The following SLC38A11 variants were observed in gnomAD, a reference collection of about 807,000 sequenced individuals.
SLC38A11 encodes solute carrier family 38 member 11.
A neutral mutation model predicts 49.4 loss-of-function variants in SLC38A11; 51 were observed. That is an observed-to-expected ratio of 1.03 (90% CI 0.83 to 1.30). The LOEUF (loss-of-function observed/expected upper bound fraction) is 1.30, where lower values mean the gene tolerates loss of function less well. SLC38A11 is among the 50% of genes most tolerant of loss of function. SLC38A11 has a pLI of 0.00. For synonymous variants in SLC38A11, 203 were observed against 192.9 expected (o/e 1.05, Z -0.43); for missense variants, 574 against 556.2 (o/e 1.03, Z -0.32).
intron 11 of SLC38A11, among the ~76,000 whole-genome samples, chr2:164,901,587 AT>A (rs1684653771): frequency 6.6e-6 from 1 of 152,058 alleles, no homozygotes; most frequent in Admixed American, 6.6e-5. Flanking sequence ...AATGCTACTG[AT>A]TTTTGTATGT....
intron 7 of SLC38A11, among the ~76,000 whole-genome samples, chr2:164,934,713 A>T (rs1325494923): frequency 6.6e-6 from 1 of 152,134 alleles, no homozygotes; most frequent in East Asian, 1.9e-4. Context: ...TTTTCCCTGT[A>T]AACACTTTTT....
chr2:164,918,156 G>A (rs923393482), intron 7 of SLC38A11, among the ~76,000 whole-genome samples: 1 of 151,532 alleles, frequency 6.6e-6, no homozygotes, highest in African/African-American at 2.4e-5. Context: ...TACTCAACCT[G>A]GATGGAAACA....
intron 7 of SLC38A11, among the ~76,000 whole-genome samples, chr2:164,933,218 GAATATTAATAAGGCATTA>G (rs1687129545): frequency 6.6e-6 from 1 of 151,274 alleles, no homozygotes; most frequent in South Asian, 2.1e-4. Flanking sequence ...GTAAAGAATT[GAATATTAATAAGGCATTA>G]AATGAAGGGT....
At position 164,894,964 on chromosome 2, in the gene SLC38A11, G is replaced by A. The variant is rs1323042062; in HGVS notation, c.*3473C>T. On this transcript the variant is annotated 3_prime_UTR_variant, in exon 12 of 12. Coordinates refer to ENST00000685975, the MANE Select transcript of SLC38A11 (RefSeq NM_001351537.2). ...GGCACTTTCTTATGTCCAACTTCCA[G>A]CCTTTTTCAAACGTGGTCCCTGAAC... Among the ~76,000 whole-genome samples, 1 of 151,998 alleles carries A rather than the reference G, an allele frequency of 6.6e-6. No individual in the cohort carries two copies. Among genetic ancestry groups the A allele is most frequent in the Admixed American group, 6.6e-5 (1 of 15,244 alleles).
intron 1 of SLC38A11, among the ~76,000 whole-genome samples, 161 bp downstream of exon 1, chr2:164,955,044 GAAAA>G (rs4001062): frequency 6.9e-6 from 1 of 144,754 alleles, no homozygotes. Flanking sequence ...TGCCTGCTAA[GAAAA>G]AAAAAAAAAA....
chr2:164,929,395 G>A (rs943609713), intron 7 of SLC38A11, among the ~76,000 whole-genome samples: 2 of 152,108 alleles, frequency 1.3e-5, no homozygotes, highest in Non-Finnish European at 2.9e-5. Flanking sequence ...ACTCAATATA[G>A]GCCATGATGA....
At chr2:164,943,184 T>C (rs965689883) in intron 5 of SLC38A11, among the ~76,000 whole-genome samples, 1 of 152,190 alleles carries the variant, frequency 6.6e-6, no homozygotes, top group African/African-American at 2.4e-5. Context: ...TGAGAAGCTC[T>C]TCAAAGCAAA....
Position 164,937,602 on chromosome 2 carries a change from T to C in SLC38A11, c.538-173A>G, listed in dbSNP as rs1392713798. 5 of 542,684 alleles carry C rather than the reference T, an allele frequency of 9.2e-6. No homozygotes were observed. In the East Asian group the frequency reaches 1.3e-4, roughly 14 times the overall value. The allele number at this position is 542,684 out of a possible 1,614,324, so 33.6% of individuals were successfully genotyped here. A position where few individuals can be genotyped will look rare whatever the true frequency, so the allele number is the denominator to read the frequency against. Reference sequence around the variant, plus strand: ...TGATAATCTCAGGCAGGTAACTTCTTATCAGATCAGTCTTGGTTCCCCGCA... The same window carrying C: ...TGATAATCTCAGGCAGGTAACTTCTCATCAGATCAGTCTTGGTTCCCCGCA... On this transcript the variant is annotated intron_variant, in intron 6 of 11. Coordinates refer to ENST00000685975, the MANE Select transcript of SLC38A11 (RefSeq NM_001351537.2).
chr2:164,939,496 A>G lies in SLC38A11; in HGVS notation c.491T>C (p.Phe164Ser), dbSNP rs1187341070. Residue 164 changes from phenylalanine to serine, a missense_variant, in exon 6 of 12, where the codon TTT becomes TCT. Phe to Ser is a radical substitution (Grantham distance 155). Transcript: ENST00000685975. ...TCGGTACAAGGATAAAGGCAGAGTA[A>G]AGGTAACTGTGGAAAGTCCAATAAT... Reference protein sequence around the residue: ...HFIIGLSTVTFTLPLSLYRNI... With the variant: ...HFIIGLSTVTSTLPLSLYRNI... The G allele has an allele frequency of 1.2e-6, 2 of 1,611,060 alleles. No homozygotes were observed. The highest frequency in any genetic ancestry group is 2.7e-5 in the African/African-American group (2 of 74,856).
intron 7 of SLC38A11, among the ~76,000 whole-genome samples, chr2:164,919,774 ATTG>A (rs1045560748): frequency 6.6e-5 from 10 of 152,150 alleles, no homozygotes; most frequent in African/African-American, 2.4e-4. Flanking sequence ...TTATTGTCAT[ATTG>A]TTATTTTTAA....
chr2:164,936,781 T>G (rs897733479), intron 7 of SLC38A11, among the ~76,000 whole-genome samples: 1 of 152,122 alleles, frequency 6.6e-6, no homozygotes, highest in Non-Finnish European at 1.5e-5. Context: ...TAAAATTTCA[T>G]GAATGAGTAA....
chr2:164,941,849 G>A (rs1687789224), intron 5 of SLC38A11, among the ~76,000 whole-genome samples: 1 of 151,936 alleles, frequency 6.6e-6, no homozygotes, highest in Non-Finnish European at 1.5e-5. Context: ...ATATTACTAA[G>A]AGAAAGAAGC....
intron 4 of SLC38A11, among the ~76,000 whole-genome samples, chr2:164,945,287 A>G (rs1199607588): frequency 6.8e-6 from 1 of 147,328 alleles, no homozygotes; most frequent in African/African-American, 2.5e-5. Flanking sequence ...ATTAAGCCTT[A>G]TAAGAAATGT....
chr2:164,930,287 G>A (rs1686902737), intron 7 of SLC38A11, among the ~76,000 whole-genome samples: 1 of 151,980 alleles, frequency 6.6e-6, no homozygotes, highest in South Asian at 2.1e-4. Context: ...ATAAGCCCAG[G>A]ACGAGAACGA....
At chr2:164,922,682 A>G (rs1353830710) in intron 7 of SLC38A11, among the ~76,000 whole-genome samples, 1 of 152,184 alleles carries the variant, frequency 6.6e-6, no homozygotes. Context: ...CAGATTCAAC[A>G]CTATTCCTAT....
chr2:164,949,773 G>A (rs1187159032), intron 3 of SLC38A11, among the ~76,000 whole-genome samples: 2 of 152,154 alleles, frequency 1.3e-5, no homozygotes, highest in Non-Finnish European at 2.9e-5. Context: ...TCTCTCCCTG[G>A]GTAACAGAAT....
intron 3 of SLC38A11, among the ~76,000 whole-genome samples, chr2:164,949,272 T>C (rs1026619364): frequency 6.6e-6 from 1 of 152,104 alleles, no homozygotes; most frequent in Non-Finnish European, 1.5e-5. Context: ...TTGTTGAGAC[T>C]GAGTCTCGCT....
chr2:164,926,678 C>T (rs775023127), intron 7 of SLC38A11, among the ~76,000 whole-genome samples: 34 of 152,128 alleles, frequency 2.2e-4, no homozygotes, highest in Non-Finnish European at 4.1e-4. Flanking sequence ...AAATACTATG[C>T]AGCCATAAAA....
In SLC38A11 at chr2:164,898,499, A is replaced by C; in HGVS notation, c.1327T>G (p.Ser443Ala). The change falls in exon 12 of 12, where the codon TCA (serine) becomes GCA (alanine). Residue 443 changes from serine to alanine, a missense_variant. Transcript: ENST00000685975. The stretch of plus-strand genomic sequence containing the variant: ...GTTGTCTGCTGAACATGAGACTCTG[A>C]GGTATTTGTGAGAGAGAAATTGTCA... The part of the protein sequence containing the change: ...FPDNFSLTNT[S>A]ESHVQQTTQL... The C allele has an allele frequency of 6.2e-7, 1 of 1,613,412 alleles. No homozygotes were observed. The highest frequency in any genetic ancestry group is 8.5e-7 in the Non-Finnish European group (1 of 1,179,574).
Sources: gnomAD v4.1 joint callset for allele counts (sites outside exome capture counted in the v4.1 genomes callset) on GRCh38, gnomAD v4.1.1 for gene constraint, MANE v1.5 for transcripts, NCBI Gene and HGNC (gene_info 2026-07-23, HGNC 2026-07-21) for gene names.